CLSTN2: variants seen among roughly 807,000 people sequenced by gnomAD.
CLSTN2 encodes the protein calsyntenin 2.
A neutral mutation model predicts 101.2 loss-of-function variants in CLSTN2; 48 were observed. That is an observed-to-expected ratio of 0.47 (90% CI 0.38 to 0.60). The LOEUF is 0.60. Among genes scored for constraint, CLSTN2 ranks in the 20% least tolerant of loss-of-function variants. CLSTN2 has a pLI of 0.00. For synonymous variants in CLSTN2, 481 were observed against 463.6 expected (o/e 1.04, Z -0.48); for missense variants, 1,160 against 1,238.2 (o/e 0.94, Z 0.95).
At chr3:140,236,250 G>T (rs2086415760) in intron 2 of CLSTN2, among the ~76,000 whole-genome samples, 1 of 152,040 alleles carries the variant, frequency 6.6e-6, no homozygotes, top group African/African-American at 2.4e-5. Context: ...CCTTAACATA[G>T]CCCTAAGAGT....
At chr3:140,480,935 A>G (rs2107751504) in intron 8 of CLSTN2, among the ~76,000 whole-genome samples, 1 of 152,216 alleles carries the variant, frequency 6.6e-6, no homozygotes, top group South Asian at 2.1e-4. Context: ...TGCTGTGCAG[A>G]AGCTCTTTAG....
chr3:140,007,590 G>C (rs989201522), intron 1 of CLSTN2, among the ~76,000 whole-genome samples: 4 of 152,150 alleles, frequency 2.6e-5, no homozygotes, highest in African/African-American at 9.7e-5. Context: ...AAGGAAGATG[G>C]TTTAAATAAT....
At chr3:140,046,882 G>C (rs897780636) in intron 1 of CLSTN2, among the ~76,000 whole-genome samples, 1 of 151,826 alleles carries the variant, frequency 6.6e-6, no homozygotes, top group African/African-American at 2.4e-5. Flanking sequence ...TGAGTGAAGT[G>C]CCTGACATTT....
At chr3:140,535,678 G>A (rs995570331) in intron 9 of CLSTN2, among the ~76,000 whole-genome samples, 8 of 152,182 alleles carry the variant, frequency 5.3e-5, no homozygotes, top group African/African-American at 1.2e-4. Context: ...TTGCAAGGAG[G>A]CCCTTTATAC....
intron 2 of CLSTN2, among the ~76,000 whole-genome samples, chr3:140,192,877 C>T (rs1199004928): frequency 6.6e-6 from 1 of 151,750 alleles, no homozygotes; most frequent in Non-Finnish European, 1.5e-5. Context: ...TGTTTTCCTG[C>T]TTTCTTGTCA....
At chr3:140,017,212 C>T (rs1403683862) in intron 1 of CLSTN2, among the ~76,000 whole-genome samples, 14 of 152,182 alleles carry the variant, frequency 9.2e-5, no homozygotes, top group Admixed American at 9.2e-4. Context: ...CTTGACCTCT[C>T]AGGTCTGGAG....
chr3:140,202,495 G>A (rs772081440), intron 2 of CLSTN2, among the ~76,000 whole-genome samples: 5 of 152,228 alleles, frequency 3.3e-5, no homozygotes, highest in African/African-American at 4.8e-5. Flanking sequence ...GGATGCGGGT[G>A]GAGTAGGTTG....
chr3:140,175,800 G>C, intron 1 of CLSTN2, 151 bp from the exon 2 acceptor site: 1 of 734,410 alleles, frequency 1.4e-6, no homozygotes, highest in Non-Finnish European at 2.1e-6. Context: ...AGCTTTTCTG[G>C]GTTTAAAATG....
intron 8 of CLSTN2, among the ~76,000 whole-genome samples, chr3:140,522,642 C>T (rs1305146610): frequency 3.3e-5 from 5 of 152,208 alleles, no homozygotes; most frequent in South Asian, 4.1e-4. Flanking sequence ...AGAGCCCAAC[C>T]TCACCTCCAG....
chr3:139,992,283 ACT>A (rs1936128038), intron 1 of CLSTN2, among the ~76,000 whole-genome samples: 1 of 152,030 alleles, frequency 6.6e-6, no homozygotes, highest in African/African-American at 2.4e-5. Context: ...TCGTGCAATG[ACT>A]CTTAGAGGGA....
At chr3:140,296,455 G>T (rs1435333462) in intron 2 of CLSTN2, among the ~76,000 whole-genome samples, 1 of 152,150 alleles carries the variant, frequency 6.6e-6, no homozygotes, top group African/African-American at 2.4e-5. Context: ...ATACGCCATT[G>T]TCATTTCAAT....
rs1985760279 is a variant in CLSTN2, at chr3:140,577,314, C to T, written c.*11061C>T. 1 of 152,142 alleles carries T rather than the reference C, an allele frequency of 6.6e-6. No homozygotes were observed. Among genetic ancestry groups the T allele is most frequent in the African/African-American group, 2.4e-5 (1 of 41,406 alleles). 9.4% of individuals were successfully genotyped at this position (152,142 alleles called of 1,614,324 possible). A position where few individuals can be genotyped will look rare whatever the true frequency, so the allele number is the denominator to read the frequency against. On this transcript the variant is annotated 3_prime_UTR_variant, in exon 17 of 17. Transcript: ENST00000458420. ...TATTTTCAGCTGTGGCTTGTAAATG[C>T]CTACAAACTGATTCATGTTGGTGGT...
chr3:140,274,117 CA>C (rs2107891758), intron 2 of CLSTN2, among the ~76,000 whole-genome samples: 1 of 152,306 alleles, frequency 6.6e-6, no homozygotes, highest in East Asian at 1.9e-4. Context: ...GGCATGGTAA[CA>C]TTGATCTTAC....
chr3:140,558,638 A>G lies in CLSTN2; in HGVS notation c.1824-2A>G. ...GTGCCATGACCGAGAATGTTTTCCC[A>G]GGTGCTTTGGGGAAGACGTATGCAT... On this transcript the variant is annotated splice_acceptor_variant, in intron 11 of 16. Coordinates refer to ENST00000458420, the MANE Select transcript of CLSTN2 (RefSeq NM_022131.3). LOFTEE classifies it high-confidence loss of function. 6.2e-7 allele frequency: 1 copy of G among 1,610,444 alleles called. No homozygotes were observed. The highest frequency in any genetic ancestry group is 8.5e-7 in the Non-Finnish European group (1 of 1,177,156).
At chr3:140,376,531 G>A (rs1476589821) in intron 2 of CLSTN2, among the ~76,000 whole-genome samples, 25 of 152,182 alleles carry the variant, frequency 1.6e-4, no homozygotes, top group Admixed American at 1.6e-3. Context: ...TAATCCAGTA[G>A]ACAAATGGCC....
intron 2 of CLSTN2, among the ~76,000 whole-genome samples, chr3:140,202,217 A>G (rs78899199): frequency 1.3e-5 from 2 of 152,192 alleles, no homozygotes; most frequent in South Asian, 2.1e-4. Flanking sequence ...CTCTGCTCCT[A>G]TATTGAGAAG....
At chr3:140,052,446 G>T (rs1308022941) in intron 1 of CLSTN2, among the ~76,000 whole-genome samples, 1 of 152,084 alleles carries the variant, frequency 6.6e-6, no homozygotes, top group Non-Finnish European at 1.5e-5. Context: ...ATAAGCCACC[G>T]CACCTGGCCA....
chr3:139,941,025 CTT>C (rs1935117211), intron 1 of CLSTN2, among the ~76,000 whole-genome samples: 1 of 152,222 alleles, frequency 6.6e-6, no homozygotes, highest in Admixed American at 6.5e-5. Context: ...GAAAGGCATA[CTT>C]TTTTGTTTAA....
intron 5 of CLSTN2, among the ~76,000 whole-genome samples, chr3:140,423,754 C>T (rs1329211574): frequency 6.6e-6 from 1 of 152,168 alleles, no homozygotes; most frequent in South Asian, 2.1e-4. Context: ...CATTCCTTTC[C>T]TTATTTGGAA....
Sources: gnomAD v4.1 joint callset for allele counts (sites outside exome capture counted in the v4.1 genomes callset) on GRCh38, gnomAD v4.1.1 for gene constraint, MANE v1.5 for transcripts, NCBI Gene and HGNC (gene_info 2026-07-23, HGNC 2026-07-21) for gene names.